CFAP96: variants seen among roughly 807,000 people sequenced by gnomAD.
CFAP96 encodes cilia and flagella associated protein 96.
chr4:185,429,918 C>G, the CFAP96 span, among the ~76,000 whole-genome samples: 1 of 152,156 alleles, frequency 6.6e-6, no homozygotes, highest in Non-Finnish European at 1.5e-5. Flanking sequence ...AGACCCTCCC[C>G]ACTCAGCGTG....
the CFAP96 span, among the ~76,000 whole-genome samples, chr4:185,421,824 G>A: frequency 6.6e-6 from 1 of 152,184 alleles, no homozygotes. Context: ...TAATGAGGGT[G>A]TTAACTATCA....
chr4:185,442,863 A>T, the CFAP96 span, among the ~76,000 whole-genome samples: 1 of 152,164 alleles, frequency 6.6e-6, no homozygotes, highest in African/African-American at 2.4e-5. Flanking sequence ...ATATTTCCTG[A>T]AATGAATCTC....
the CFAP96 span, among the ~76,000 whole-genome samples, chr4:185,420,019 T>C: frequency 1.4e-4 from 21 of 152,244 alleles, no homozygotes; most frequent in African/African-American, 5.1e-4. Flanking sequence ...CCATTTTATA[T>C]TCCCATCAGT....
the CFAP96 span, chr4:185,425,995 C>T: frequency 8.9e-7 from 1 of 1,120,468 alleles, no homozygotes; most frequent in South Asian, 1.4e-5. Context: ...TCCCGACATG[C>T]TCGGCGGCAT....
chr4:185,445,394 G>C, the CFAP96 span: 2 of 840,968 alleles, frequency 2.4e-6, no homozygotes, highest in Non-Finnish European at 3.8e-6. Context: ...AATATATAGC[G>C]CCTCATTATG....
chr4:185,435,998 T>C, the CFAP96 span: 5 of 1,400,790 alleles, frequency 3.6e-6, no homozygotes, highest in Non-Finnish European at 4.8e-6. Flanking sequence ...ACTTAAACTT[T>C]GCCATTTTAA....
At chr4:185,437,829 T>A in the CFAP96 span, among the ~76,000 whole-genome samples, 72 of 152,212 alleles carry the variant, frequency 4.7e-4, no homozygotes, top group African/African-American at 1.7e-3. Flanking sequence ...AAATTTTATG[T>A]TCCTAGATTT....
the CFAP96 span, among the ~76,000 whole-genome samples, chr4:185,430,139 G>C: frequency 3.1e-4 from 47 of 152,234 alleles, no homozygotes; most frequent in South Asian, 9.5e-3. Context: ...TTACATTTGC[G>C]TCCAAGAAGG....
At chr4:185,408,649 C>G in the CFAP96 span, among the ~76,000 whole-genome samples, 5 of 152,190 alleles carry the variant, frequency 3.3e-5, no homozygotes, top group Non-Finnish European at 5.9e-5. Flanking sequence ...CAGGACCTAC[C>G]TTCTGGCCTC....
chr4:185,412,656 G>C, the CFAP96 span, among the ~76,000 whole-genome samples: 50 of 152,252 alleles, frequency 3.3e-4, no homozygotes, highest in African/African-American at 1.2e-3. Flanking sequence ...AAACAGTGAG[G>C]ATACAGAGGG....
chr4:185,414,726 C>T, the CFAP96 span, among the ~76,000 whole-genome samples: 1 of 152,170 alleles, frequency 6.6e-6, no homozygotes, highest in Non-Finnish European at 1.5e-5. Flanking sequence ...AATAACCTTA[C>T]TTGTGGAGTA....
At chr4:185,443,921 CTTTTTTTTTTTTTTTTTTTTTTTTTT>C in the CFAP96 span, among the ~76,000 whole-genome samples, 5 of 82,856 alleles carry the variant, frequency 6.0e-5, no homozygotes, top group South Asian at 3.7e-4. Context: ...CTATATCTTT[CTTTTTTTTTTTTTTTTTTTTTTTTTT>C]TTTTTTTTTT....
At chr4:185,411,693 G>C in the CFAP96 span, among the ~76,000 whole-genome samples, 1 of 152,126 alleles carries the variant, frequency 6.6e-6, no homozygotes, top group Non-Finnish European at 1.5e-5. Flanking sequence ...AAATGAAGCA[G>C]ATATAGCAAA....
the CFAP96 span, among the ~76,000 whole-genome samples, chr4:185,449,249 G>T: frequency 6.6e-6 from 1 of 152,110 alleles, no homozygotes; most frequent in Admixed American, 6.6e-5. Flanking sequence ...TAGGCTGGGC[G>T]TGTTGGCTCG....
chr4:185,433,536 T>C, the CFAP96 span, among the ~76,000 whole-genome samples: 29 of 118,050 alleles, frequency 2.5e-4, no homozygotes, highest in African/African-American at 1.0e-3. Context: ...CTAGTAAAAC[T>C]ACTTTGTATA....
the CFAP96 span, among the ~76,000 whole-genome samples, chr4:185,419,139 C>CT: frequency 4.9e-4 from 73 of 148,774 alleles, no homozygotes; most frequent in African/African-American, 1.4e-3. Flanking sequence ...TACATCTTTT[C>CT]TTTTTTTTTT....
At chr4:185,433,722 C>T in the CFAP96 span, among the ~76,000 whole-genome samples, 650 of 151,648 alleles carry the variant, frequency 4.3e-3, 2 homozygotes, top group African/African-American at 0.014. Flanking sequence ...GCCAACATGG[C>T]GAAACCCCGT....
the CFAP96 span, among the ~76,000 whole-genome samples, chr4:185,411,375 A>G: frequency 6.6e-6 from 1 of 152,198 alleles, no homozygotes; most frequent in Admixed American, 6.5e-5. Context: ...TTCTCTAAAA[A>G]ACTAAAAAAG....
At chr4:185,445,263 C>T in the CFAP96 span, 1 of 826,888 alleles carries the variant, frequency 1.2e-6, no homozygotes, top group African/African-American at 1.7e-5. Flanking sequence ...GACATCTCAG[C>T]TCCTTCCATG....
Sources: allele counts gnomAD v4.1 joint callset (sites outside exome capture counted in the v4.1 genomes callset), GRCh38; gene constraint gnomAD v4.1.1; transcripts MANE v1.5; gene names NCBI Gene and HGNC (gene_info 2026-07-23, HGNC 2026-07-21).